The following SMC3 variants were observed in gnomAD, a reference collection of about 807,000 sequenced individuals.
SMC3 encodes structural maintenance of chromosomes protein 3.
Under a neutral mutation model 171.8 loss-of-function variants are expected in SMC3, and 20 were observed. The ratio of observed to expected loss-of-function variants is 0.12; its 90% CI spans 0.08 to 0.17. The LOEUF (loss-of-function observed/expected upper bound fraction) is 0.17. SMC3 is among the 10% of genes least tolerant of loss of function. The pLI is 1.00. For missense variants in SMC3, 543 were observed against 1,420.4 expected (o/e 0.38, Z 9.93); for synonymous variants, 464 against 451.1 (o/e 1.03, Z -0.36).
chr10:110,583,595 A>G, intron 11 of SMC3, 47 bp downstream of exon 11: 2 of 1,586,602 alleles, frequency 1.3e-6, no homozygotes, highest in African/African-American at 1.3e-5. Flanking sequence ...TCAGGTGAGT[A>G]GCAACTGTAG....
Position 110,605,964 on chromosome 10 carries a change from G to T in SMC3, c.*1662G>T, listed in dbSNP as rs1181289536. Among the ~76,000 whole-genome samples, 1 of 152,068 alleles carries T rather than the reference G, an allele frequency of 6.6e-6. No individual in the cohort carries two copies. Among genetic ancestry groups the T allele is most frequent in the Non-Finnish European group, 1.5e-5 (1 of 68,000 alleles). On this transcript the variant is annotated 3_prime_UTR_variant, in exon 29 of 29. Coordinates refer to ENST00000361804, the MANE Select transcript of SMC3 (RefSeq NM_005445.4). ...CATCATTCTAGAACTTCTTAATATTGTTCTTAAGCATTTCCCCAAGGATAT... is the reference window on the plus strand; with the variant it reads ...CATCATTCTAGAACTTCTTAATATTTTTCTTAAGCATTTCCCCAAGGATAT...
intron 13 of SMC3, among the ~76,000 whole-genome samples, chr10:110,588,263 T>G (rs1412849835): frequency 1.3e-5 from 2 of 152,194 alleles, no homozygotes; most frequent in Non-Finnish European, 2.9e-5. Context: ...GTGCTGGGAT[T>G]ACAGGTGTGA....
At chr10:110,598,385 T>A in intron 20 of SMC3, 95 bp downstream of exon 20, 1 of 1,358,886 alleles carries the variant, frequency 7.4e-7, no homozygotes. Context: ...TTGAATTTTA[T>A]GTTTCATTTT....
rs1861189716 is a variant in SMC3 at position 110,590,504 on chromosome 10, T to C, written c.1602T>C (p.Gly534=). 1 of 1,614,000 alleles carries C rather than the reference T, an allele frequency of 6.2e-7. No individual in the cohort carries two copies. Among genetic ancestry groups the C allele is most frequent in the East Asian group, 2.2e-5 (1 of 44,868 alleles). ...INQHVQNGYH[G]IVMNNFECEP... ...AGCATGTTCAAAATGGCTATCATGG[T>C]ATTGTAATGAATAACTTTGAATGTG... The change falls in exon 16 of 29, where the codon GGT becomes GGC. Residue 534 remains glycine, a synonymous_variant. Coordinates refer to ENST00000361804, the MANE Select transcript of SMC3 (RefSeq NM_005445.4).
intron 1 of SMC3, chr10:110,568,617 G>A (rs924949059): frequency 6.5e-6 from 2 of 309,410 alleles, no homozygotes; most frequent in East Asian, 8.3e-5. Context: ...TGCTTTTATA[G>A]ACTTGCTATT....
At chr10:110,589,226 A>G (rs1266378288) in intron 13 of SMC3, among the ~76,000 whole-genome samples, 2 of 152,152 alleles carry the variant, frequency 1.3e-5, no homozygotes, top group African/African-American at 2.4e-5. Flanking sequence ...CGTCTCTACT[A>G]AAAATACAAA....
chr10:110,579,936 TCTC>T (rs1861007673), intron 7 of SMC3, among the ~76,000 whole-genome samples: 2 of 152,232 alleles, frequency 1.3e-5, no homozygotes, highest in Admixed American at 6.5e-5. Context: ...TGTACCATTC[TCTC>T]TATATTTAAA....
In SMC3 at chr10:110,604,455, A is replaced by G. The variant is rs553471027; in HGVS notation, c.*153A>G. The stretch of plus-strand genomic sequence containing the variant: ...TATTTGTCTTTGTATTTTATAAGAT[A>G]CTCTGTAATGTCATGTTTGTACTGA... On this transcript the variant is annotated 3_prime_UTR_variant, in exon 29 of 29. Transcript: ENST00000361804. The G allele has an allele frequency of 6.4e-6, 4 of 620,628 alleles. No homozygotes were observed. In the East Asian group the frequency reaches 1.2e-4, roughly 18 times the overall value. 38.4% of individuals were successfully genotyped at this position (620,628 alleles called of 1,614,324 possible). A position where few individuals can be genotyped will look rare whatever the true frequency, so the allele number is the denominator to read the frequency against.
At position 110,582,631 on chromosome 10, in the gene SMC3, G is replaced by A. The variant is rs1413563965; in HGVS notation, c.793G>A (p.Asp265Asn). The A allele has an allele frequency of 6.2e-7, 1 of 1,610,444 alleles. No individual in the cohort carries two copies. The highest frequency in any genetic ancestry group is 8.5e-7 in the Non-Finnish European group (1 of 1,176,774). Residue 265 changes from aspartate to asparagine, a missense_variant, in exon 10 of 29, where the codon GAT becomes AAT. This residue lies in a region of SMC3 where 146 missense variants were observed against 437.9 expected (regional missense o/e 0.33). Transcript: ENST00000361804. Reference protein sequence around the residue: ...QLRDAQQDARDKMEDIERQVR... With the variant: ...QLRDAQQDARNKMEDIERQVR... ...AAGAGATGCTCAGCAGGATGCAAGA[G>A]ATAAAATGGAGGTAAGATTATAAAC... is the stretch of plus-strand genomic sequence containing the variant.
intron 28 of SMC3, 104 bp from the exon 29 acceptor site, chr10:110,604,127 A>G (rs1004477166): frequency 1.6e-6 from 1 of 611,432 alleles, no homozygotes; most frequent in African/African-American, 1.9e-5. Flanking sequence ...ACTAAAAATT[A>G]AAAAATGTAG....
At chr10:110,580,521 AG>A (rs1460737943) in intron 7 of SMC3, among the ~76,000 whole-genome samples, 1 of 152,230 alleles carries the variant, frequency 6.6e-6, no homozygotes, top group Non-Finnish European at 1.5e-5. Flanking sequence ...AAGGAGACAT[AG>A]ATATGTAGGC....
At chr10:110,590,832 GA>G (rs1346953147) in intron 16 of SMC3, among the ~76,000 whole-genome samples, 158 bp from the exon 17 acceptor site, 1 of 152,046 alleles carries the variant, frequency 6.6e-6, no homozygotes, top group Non-Finnish European at 1.5e-5. Flanking sequence ...GATTATATAG[GA>G]AAAAACTGTT....
intron 21 of SMC3, 151 bp downstream of exon 21, chr10:110,599,963 A>G: frequency 3.9e-6 from 3 of 778,318 alleles, no homozygotes; most frequent in Non-Finnish European, 6.3e-6. Context: ...AGTAAATAAG[A>G]TTTTGTTTTT....
At chr10:110,583,353 G>T in intron 10 of SMC3, 31 bp from the exon 11 acceptor site, 1 of 1,575,884 alleles carries the variant, frequency 6.3e-7, no homozygotes, top group Non-Finnish European at 8.7e-7. Context: ...ACTTCTAATT[G>T]CCTTATTTTC....
In SMC3 at chr10:110,582,489, T is replaced by A; in HGVS notation, c.724-73T>A. 3.7e-6 allele frequency: 4 copies of A among 1,076,734 alleles called. No individual in the cohort carries two copies. In the South Asian group the frequency reaches 4.4e-5, roughly 12 times the overall value. The allele number at this position is 1,076,734 out of a possible 1,614,324, so 66.7% of individuals were successfully genotyped here. On this transcript the variant is annotated intron_variant, in intron 9 of 28. Coordinates refer to ENST00000361804, the MANE Select transcript of SMC3 (RefSeq NM_005445.4). ...CTTTTGGTTTATTTTAATAGAAAAA[T>A]TTTTATTAGATGTTATGAAATATTT... is the stretch of plus-strand genomic sequence containing the variant.
At position 110,604,109 on chromosome 10, in the gene SMC3, A is replaced by AAT. The variant is rs1252499307; in HGVS notation, c.3583-121_3583-120insTA. The AAT allele has an allele frequency of 2.3e-5, 12 of 530,734 alleles. 1 individual carries two copies. Among genetic ancestry groups the AAT allele is most frequent in the Non-Finnish European group, 3.7e-5 (11 of 298,202 alleles). The allele number at this position is 530,734 out of a possible 1,614,324, so 32.9% of individuals were successfully genotyped here. ...GACTCCATCTCAAAAAAAAAAAAAA[A>AAT]AAAAAAAACTAAAAATTAAAAAATG... is the stretch of plus-strand genomic sequence containing the variant. On this transcript the variant is annotated intron_variant, in intron 28 of 28. Transcript: ENST00000361804.
chr10:110,568,981 T>C lies in SMC3; in HGVS notation c.59T>C (p.Val20Ala). Reference protein sequence around the residue: ...GFRSYRDQTIVDPFSSKHNVI... With the variant: ...GFRSYRDQTIADPFSSKHNVI... ...CGAAGTTACAGAGATCAAACAATTGTAGATCCCTTCAGTTCAAAACATAAT... is the reference window on the plus strand; with the variant it reads ...CGAAGTTACAGAGATCAAACAATTGCAGATCCCTTCAGTTCAAAACATAAT... The change falls in exon 2 of 29, where the codon GTA becomes GCA. Residue 20 changes from valine to alanine, a missense_variant. By Grantham distance (64) the Val-to-Ala change is moderately conservative. Coordinates refer to ENST00000361804, the MANE Select transcript of SMC3 (RefSeq NM_005445.4). 6.2e-7 allele frequency: 1 copy of C among 1,608,944 alleles called. No homozygotes were observed.
chr10:110,592,923 GTC>G (rs1465604826), intron 17 of SMC3, 148 bp from the exon 18 acceptor site: 7 of 705,782 alleles, frequency 9.9e-6, no homozygotes, highest in Admixed American at 2.3e-5. Flanking sequence ...AGTGGAATGA[GTC>G]TTCTAACTAC....
intron 1 of SMC3, 93 bp downstream of exon 1, chr10:110,567,924 T>C (rs1860799165): frequency 7.0e-7 from 1 of 1,425,702 alleles, no homozygotes; most frequent in Admixed American, 1.8e-5. Flanking sequence ...GCCTCTCCCC[T>C]GTCTCCACAG....
Sources: gnomAD v4.1 joint callset for allele counts (sites outside exome capture counted in the v4.1 genomes callset) on GRCh38, gnomAD v4.1.1 for gene constraint, gnomAD v4.1.1 regional missense constraint, MANE v1.5 for transcripts, NCBI Gene and HGNC (gene_info 2026-07-23, HGNC 2026-07-21) for gene names.